The following LPP variants were observed in gnomAD, a reference collection of about 807,000 sequenced individuals.
LPP encodes lipoma-preferred partner.
A neutral mutation model predicts 60.4 loss-of-function variants in LPP; 38 were observed. The ratio of observed to expected loss-of-function variants is 0.63; its 90% CI spans 0.49 to 0.83. The LOEUF is 0.83. LPP is among the 40% of genes least tolerant of loss of function. The pLI, the probability that LPP is intolerant of heterozygous loss-of-function variation, is 0.00. For synonymous variants in LPP, 328 were observed against 290.8 expected, an observed-to-expected ratio of 1.13 and a Z score of -1.30; for missense variants, 902 against 783.6, an observed-to-expected ratio of 1.15 and a Z score of -1.80.
At chr3:188,433,428 G>A (rs1277454396) in intron 4 of LPP, among the ~76,000 whole-genome samples, 1 of 151,940 alleles carries the variant, frequency 6.6e-6, no homozygotes, top group Non-Finnish European at 1.5e-5. Context: ...ACAGTAATCG[G>A]GTCATAAGAG....
intron 7 of LPP, among the ~76,000 whole-genome samples, chr3:188,667,933 G>A (rs1050872247): frequency 1.3e-5 from 2 of 151,952 alleles, no homozygotes; most frequent in East Asian, 1.9e-4. Flanking sequence ...AGAACTGAAA[G>A]CAAAACAGCC....
At chr3:188,487,979 A>G (rs1306822385) in intron 5 of LPP, among the ~76,000 whole-genome samples, 1 of 151,826 alleles carries the variant, frequency 6.6e-6, no homozygotes, top group Non-Finnish European at 1.5e-5. Context: ...GGCGCCAGGC[A>G]TCTAGTTACA....
At chr3:188,801,394 A>G (rs1747224340) in intron 9 of LPP, among the ~76,000 whole-genome samples, 1 of 152,322 alleles carries the variant, frequency 6.6e-6, no homozygotes, top group South Asian at 2.1e-4. Flanking sequence ...AATAGCTTCA[A>G]CATATATTGA....
At chr3:188,750,373 G>A (rs1727673578) in intron 8 of LPP, among the ~76,000 whole-genome samples, 1 of 152,160 alleles carries the variant, frequency 6.6e-6, no homozygotes, top group African/African-American at 2.4e-5. Context: ...GTTCACACTT[G>A]TAATTCCAGC....
intron 4 of LPP, among the ~76,000 whole-genome samples, chr3:188,433,093 G>T (rs1791359813): frequency 6.6e-6 from 1 of 151,948 alleles, no homozygotes; most frequent in South Asian, 2.1e-4. Context: ...ATCTAGGCTG[G>T]AGATTAACTC....
intron 9 of LPP, 127 bp downstream of exon 9, chr3:188,760,409 G>GGTGTGTGT (rs3841956): frequency 0.061 from 36,841 of 599,974 alleles, 876 homozygotes; most frequent in African/African-American, 0.14. Flanking sequence ...GTGTGTGTGG[G>GGTGTGTGT]GTGTGTGTGT....
intron 7 of LPP, among the ~76,000 whole-genome samples, chr3:188,694,646 G>A: frequency 6.6e-6 from 1 of 151,070 alleles, no homozygotes; most frequent in East Asian, 1.9e-4. Context: ...AGGTTGCGGT[G>A]AGCCGAGATG....
intron 9 of LPP, among the ~76,000 whole-genome samples, chr3:188,781,831 G>T (rs1481037410): frequency 2.0e-5 from 3 of 150,184 alleles, no homozygotes; most frequent in African/African-American, 4.9e-5. Flanking sequence ...GGCGGACGTT[G>T]CAGTGAGCTG....
intron 9 of LPP, among the ~76,000 whole-genome samples, chr3:188,832,604 C>A (rs1343083277): frequency 6.6e-6 from 1 of 152,082 alleles, no homozygotes; most frequent in Admixed American, 6.5e-5. Context: ...ACAATAATAC[C>A]CTTTACTGTT....
At chr3:188,309,022 C>CTTTTTT (rs777945680) in intron 2 of LPP, among the ~76,000 whole-genome samples, 23 of 119,690 alleles carry the variant, frequency 1.9e-4, no homozygotes, top group Admixed American at 3.0e-4. Context: ...TCTTCTTCTT[C>CTTTTTT]TTTTTTTTTT....
chr3:188,722,210 TGAA>T (rs1338376966), intron 8 of LPP, among the ~76,000 whole-genome samples: 1 of 152,204 alleles, frequency 6.6e-6, no homozygotes, highest in East Asian at 1.9e-4. Flanking sequence ...TTGAATATGA[TGAA>T]GAATACCATG....
chr3:188,790,750 G>A (rs1217761531), intron 9 of LPP, among the ~76,000 whole-genome samples: 2 of 151,870 alleles, frequency 1.3e-5, no homozygotes, highest in East Asian at 3.9e-4. Context: ...TGAACCAGGA[G>A]GTGGAGGTTG....
At chr3:188,846,318 T>A (rs920995181) in intron 9 of LPP, among the ~76,000 whole-genome samples, 2 of 152,188 alleles carry the variant, frequency 1.3e-5, no homozygotes, top group African/African-American at 4.8e-5. Context: ...GATCGGAGAC[T>A]TTACTGGTTC....
At chr3:188,860,512 C>T (rs936962911) in intron 9 of LPP, among the ~76,000 whole-genome samples, 1 of 152,118 alleles carries the variant, frequency 6.6e-6, no homozygotes, top group African/African-American at 2.4e-5. Flanking sequence ...CGCTCAGGAA[C>T]TCTGGACACC....
chr3:188,748,256 C>T (rs552082960), intron 8 of LPP, among the ~76,000 whole-genome samples: 10 of 152,094 alleles, frequency 6.6e-5, no homozygotes, highest in Admixed American at 2.0e-4. Flanking sequence ...CACACACACA[C>T]ATACATATAT....
At chr3:188,586,606 G>A (rs889212531) in intron 6 of LPP, among the ~76,000 whole-genome samples, 13 of 152,162 alleles carry the variant, frequency 8.5e-5, no homozygotes, top group African/African-American at 3.1e-4. Flanking sequence ...ACTAAAACAT[G>A]CTTAGAGAAA....
At chr3:188,663,185 C>T (rs1000333240) in intron 7 of LPP, among the ~76,000 whole-genome samples, 2 of 152,218 alleles carry the variant, frequency 1.3e-5, no homozygotes, top group Admixed American at 6.5e-5. Flanking sequence ...TGAGCCTGTG[C>T]AGTAACCTGC....
chr3:188,196,959 T>C (rs1401005657), intron 1 of LPP, among the ~76,000 whole-genome samples: 1 of 152,248 alleles, frequency 6.6e-6, no homozygotes, highest in Non-Finnish European at 1.5e-5. Context: ...TGTTATTGTC[T>C]CTGCTTCCTC....
intron 2 of LPP, among the ~76,000 whole-genome samples, chr3:188,288,393 G>A (rs1408007898): frequency 6.6e-6 from 1 of 152,076 alleles, no homozygotes; most frequent in Admixed American, 6.5e-5. Flanking sequence ...CACCAGTCCC[G>A]TGAGGTCTCC....
Sources: gnomAD v4.1 joint callset for allele counts (sites outside exome capture counted in the v4.1 genomes callset) on GRCh38, gnomAD v4.1.1 for gene constraint, MANE v1.5 for transcripts, NCBI Gene and HGNC (gene_info 2026-07-23, HGNC 2026-07-21) for gene names.